SLC4A5: variants seen among roughly 807,000 people sequenced by gnomAD.
SLC4A5 encodes solute carrier family 4 member 5, also known as electrogenic sodium bicarbonate cotransporter 4.
SLC4A5 carries 96 observed loss-of-function variants against 120.4 expected under a neutral mutation model. That is an observed-to-expected ratio of 0.80 (90% CI 0.68 to 0.94). SLC4A5 has a LOEUF of 0.94. Among genes scored for constraint, SLC4A5 ranks in the 40% least tolerant of loss-of-function variants. SLC4A5 has a pLI of 0.00. For missense variants in SLC4A5, 1,259 were observed against 1,459.5 expected (o/e 0.86, Z 2.24); for synonymous variants, 550 against 571.1 (o/e 0.96, Z 0.53).
intron 7 of SLC4A5, chr2:74,290,820 T>C: frequency 1.0e-6 from 1 of 952,608 alleles, no homozygotes; most frequent in Non-Finnish European, 1.2e-6. Flanking sequence ...AACTGCCCCT[T>C]TACCCCCTTC....
chr2:74,294,559 G>A (rs1369058307), intron 7 of SLC4A5, among the ~76,000 whole-genome samples: 1 of 152,118 alleles, frequency 6.6e-6, no homozygotes, highest in Non-Finnish European at 1.5e-5. Context: ...AGCCAAGAGG[G>A]GTATGGAGCC....
At chr2:74,329,425 A>G (rs965151781) in intron 4 of SLC4A5, among the ~76,000 whole-genome samples, 1 of 152,196 alleles carries the variant, frequency 6.6e-6, no homozygotes, top group African/African-American at 2.4e-5. Context: ...CCCCATCTCC[A>G]CTAAAAATAC....
intron 17 of SLC4A5, among the ~76,000 whole-genome samples, chr2:74,249,502 G>A (rs1264967927): frequency 1.3e-5 from 2 of 152,208 alleles, no homozygotes; most frequent in Admixed American, 1.3e-4. Flanking sequence ...TAGGAATGCT[G>A]AGAAAGAGAA....
rs980289870 is a variant in SLC4A5, at chr2:74,307,641, C to G, written c.80-2961G>C. The stretch of plus-strand genomic sequence containing the variant: ...GGTCTTGAAGTAATGGCTCCAGTCT[C>G]TGACCTGGGGTCCCTTCTTCTCCAG... On this transcript the variant is annotated intron_variant, in intron 6 of 30. Coordinates refer to ENST00000394019, the Ensembl canonical transcript of SLC4A5. 6 of 995,100 alleles carry G rather than the reference C, an allele frequency of 6.0e-6. No homozygotes were observed. In the African/African-American group the frequency reaches 9.6e-5, roughly 16 times the overall value. The allele number at this position is 995,100 out of a possible 1,614,324, so 61.6% of individuals were successfully genotyped here. A position where few individuals can be genotyped will look rare whatever the true frequency, so the allele number is the denominator to read the frequency against.
rs994013332 is a variant in SLC4A5 at position 74,236,886 on chromosome 2, A to G, written c.2320-1672T>C. Among the ~76,000 whole-genome samples the G allele has an allele frequency of 4.6e-5, 7 of 152,230 alleles. No individual in the cohort carries two copies. The South Asian group carries it at 1.5e-3, about 32-fold the overall frequency. ...TTCCATCTCCAACATCTGGTGTCCC[A>G]AGACCTTCATCTGTCTACCAATCTG... On this transcript the variant is annotated intron_variant, in intron 21 of 30. Coordinates refer to ENST00000394019, the Ensembl canonical transcript of SLC4A5.
intron 8 of SLC4A5, among the ~76,000 whole-genome samples, chr2:74,282,358 C>A (rs1216981349): frequency 6.6e-6 from 1 of 152,262 alleles, no homozygotes; most frequent in African/African-American, 2.4e-5. Flanking sequence ...CAAGCTACTC[C>A]TCTTTGGGAT....
At chr2:74,235,139 G>A (rs770077564) in exon 22 of SLC4A5, 1 of 1,614,010 alleles carries the variant, frequency 6.2e-7, no homozygotes, top group Non-Finnish European at 8.5e-7. Context: ...GGAGTTTCTA[G>A]GCCAAAACAG....
In SLC4A5 at chr2:74,273,167, C is replaced by G. The variant is rs188513994; in HGVS notation, c.402-7903G>C. On this transcript the variant is annotated intron_variant, in intron 8 of 30. Coordinates refer to ENST00000394019, the Ensembl canonical transcript of SLC4A5. ...ATCCTTGAGATGATAAAACAACAGG[C>G]TGCCCATTATGTGTAGTTAGATAAG... 2.5e-4 allele frequency among the ~76,000 whole-genome samples: 38 copies of G among 152,286 alleles called. No homozygotes were observed. In the East Asian group the frequency reaches 6.4e-3, roughly 25 times the overall value.
Position 74,250,431 on chromosome 2 carries a change from A to G in SLC4A5, c.1565T>C (p.Ile522Thr), listed in dbSNP as rs769641255. ...GAGGTAGATGAATAGGATGGCAGAG[A>G]TGGACTGAATGTGGAAGCCATCATA... is the stretch of plus-strand genomic sequence containing the variant. The change falls in exon 17 of 31, where the codon ATC (isoleucine) becomes ACC (threonine). Residue 522 changes from isoleucine (I) to threonine (T), a missense_variant. Coordinates refer to ENST00000394019, the Ensembl canonical transcript of SLC4A5. The G allele has an allele frequency of 3.1e-6, 5 of 1,614,048 alleles. No homozygotes were observed. In the African/African-American group the frequency reaches 5.3e-5, roughly 17 times the overall value.
At chr2:74,284,269 C>T (rs1428321687) in intron 8 of SLC4A5, among the ~76,000 whole-genome samples, 2 of 117,478 alleles carry the variant, frequency 1.7e-5, no homozygotes, top group Non-Finnish European at 3.1e-5. Context: ...CTCCGCTTCC[C>T]GGGTTCACGC....
At chr2:74,233,341 C>G (rs1028284631) in intron 23 of SLC4A5, 61 bp downstream of exon 23, 1 of 1,582,584 alleles carries the variant, frequency 6.3e-7, no homozygotes, top group Admixed American at 1.7e-5. Context: ...GTCCTTCCTT[C>G]GCTCTTTCTG....
chr2:74,330,796 G>A (rs186228604), intron 4 of SLC4A5, among the ~76,000 whole-genome samples: 2 of 150,478 alleles, frequency 1.3e-5, no homozygotes, highest in South Asian at 2.1e-4. Context: ...TCTAGATGGA[G>A]GCAGTGAGGT....
intron 8 of SLC4A5, among the ~76,000 whole-genome samples, chr2:74,269,266 G>T (rs2104073866): frequency 6.6e-6 from 1 of 152,234 alleles, no homozygotes. Flanking sequence ...GAGTGCAATG[G>T]TGCAAGCTTG....
chr2:74,222,870 G>C (rs764371682), exon 29 of SLC4A5: 9 of 1,610,850 alleles, frequency 5.6e-6, no homozygotes, highest in Non-Finnish European at 7.6e-6. Context: ...TTACTTACTG[G>C]CAATGCAGTG....
intron 22 of SLC4A5, 129 bp downstream of exon 22, chr2:74,234,972 G>A: frequency 1.4e-6 from 1 of 700,262 alleles, no homozygotes; most frequent in South Asian, 1.9e-5. Flanking sequence ...TTCAGGAAAG[G>A]TGGCACACAG....
intron 7 of SLC4A5, chr2:74,290,193 G>C: frequency 1.0e-6 from 1 of 985,522 alleles, no homozygotes; most frequent in Admixed American, 6.1e-5. Flanking sequence ...GTCCTGGAGA[G>C]AGGAGACAGG....
chr2:74,226,054 T>C (rs759672363), intron 27 of SLC4A5, among the ~76,000 whole-genome samples: 1 of 152,216 alleles, frequency 6.6e-6, no homozygotes, highest in Admixed American at 6.5e-5. Context: ...TCTATCTCCC[T>C]TTCCCTGCAG....
At chr2:74,283,020 G>T (rs770606940) in intron 8 of SLC4A5, among the ~76,000 whole-genome samples, 3 of 152,206 alleles carry the variant, frequency 2.0e-5, no homozygotes, top group African/African-American at 7.2e-5. Context: ...TGTCAATCTT[G>T]GATAGGCATC....
At chr2:74,337,873 G>A (rs766892510) in intron 3 of SLC4A5, among the ~76,000 whole-genome samples, 2 of 152,132 alleles carry the variant, frequency 1.3e-5, no homozygotes, top group Non-Finnish European at 1.5e-5. Flanking sequence ...TGGTTATTCT[G>A]CCTAAGATCT....
Sources: gnomAD v4.1 joint callset for allele counts (sites outside exome capture counted in the v4.1 genomes callset) on GRCh38, gnomAD v4.1.1 for gene constraint, MANE v1.5 for transcripts, NCBI Gene and HGNC (gene_info 2026-07-23, HGNC 2026-07-21) for gene names.